The following NRXN3 variants were observed in gnomAD, a reference collection of about 807,000 sequenced individuals.
NRXN3 encodes the protein neurexin III.
NRXN3 carries 32 observed loss-of-function variants against 137.6 expected under a neutral mutation model. That is an observed-to-expected ratio of 0.23 (90% CI 0.18 to 0.31). The LOEUF (loss-of-function observed/expected upper bound fraction) is 0.31, where lower values mean the gene tolerates loss of function less well. Among genes scored for constraint, NRXN3 ranks in the 10% least tolerant of loss-of-function variants. The probability of loss-of-function intolerance (pLI) is 1.00; values close to 1 mark genes in which losing one functional copy is unlikely to be tolerated. For missense variants in NRXN3, 1,574 were observed against 2,062.5 expected (o/e 0.76, Z 4.59); for synonymous variants, 798 against 784.5 (o/e 1.02, Z -0.29).
At position 79,710,386 on chromosome 14, in the gene NRXN3, T is replaced by C. The variant is rs924134481; in HGVS notation, c.4014+12449T>C. ...AATAAAAATCTATTTATGTGTTGTA[T>C]AAACCACAGTGTCTGATTCTCTCCT... On this transcript the variant is annotated intron_variant, in intron 19 of 20. Coordinates refer to ENST00000335750, the MANE Select transcript of NRXN3 (RefSeq NM_001330195.2). Among the ~76,000 whole-genome samples the C allele has an allele frequency of 2.6e-5, 4 of 152,344 alleles. No homozygotes were observed. In the East Asian group the frequency reaches 7.7e-4, roughly 29 times the overall value.
chr14:78,291,743 A>G (rs1040738728), intron 3 of NRXN3, among the ~76,000 whole-genome samples: 3 of 152,218 alleles, frequency 2.0e-5, no homozygotes, highest in South Asian at 4.1e-4. Context: ...ATAAGAATTC[A>G]TCGTTGGCAC....
At chr14:79,745,619 A>AT (rs2098977391) in intron 19 of NRXN3, among the ~76,000 whole-genome samples, 1 of 152,086 alleles carries the variant, frequency 6.6e-6, no homozygotes. Flanking sequence ...GTTACAAGAA[A>AT]TTTTTGGCTT....
chr14:78,297,909 C>G, intron 4 of NRXN3, 49 bp downstream of exon 4: 1 of 1,535,148 alleles, frequency 6.5e-7, no homozygotes, highest in Non-Finnish European at 8.7e-7. Flanking sequence ...CTGCTTGCCT[C>G]CGTGCCTCTG....
intron 15 of NRXN3, among the ~76,000 whole-genome samples, chr14:79,265,817 C>A (rs1197849195): frequency 1.3e-5 from 2 of 152,148 alleles, no homozygotes; most frequent in African/African-American, 4.8e-5. Flanking sequence ...AAGATATATG[C>A]CTGCTGAGGG....
At chr14:78,771,512 A>C (rs773885174) in intron 8 of NRXN3, among the ~76,000 whole-genome samples, 7 of 152,238 alleles carry the variant, frequency 4.6e-5, no homozygotes, top group Admixed American at 2.0e-4. Context: ...CAGAGAAAGA[A>C]GATCTCCTCC....
At chr14:78,600,091 G>A (rs950140208) in intron 4 of NRXN3, among the ~76,000 whole-genome samples, 2 of 152,166 alleles carry the variant, frequency 1.3e-5, no homozygotes, top group African/African-American at 2.4e-5. Context: ...ACAGGTGACC[G>A]AGGGGGGCAG....
At chr14:79,108,938 A>G (rs1596040220) in intron 15 of NRXN3, among the ~76,000 whole-genome samples, 1 of 152,160 alleles carries the variant, frequency 6.6e-6, no homozygotes, top group South Asian at 2.1e-4. Context: ...CTAAATCTCT[A>G]AATGGTTGAG....
chr14:79,101,177 C>T (rs978314083), intron 15 of NRXN3, among the ~76,000 whole-genome samples: 2 of 152,092 alleles, frequency 1.3e-5, no homozygotes, highest in Admixed American at 6.6e-5. Context: ...GGAGCCATGT[C>T]GAAAAGGAGG....
chr14:78,224,530 G>T (rs1209450408), intron 1 of NRXN3, among the ~76,000 whole-genome samples: 1 of 151,876 alleles, frequency 6.6e-6, no homozygotes, highest in Non-Finnish European at 1.5e-5. Flanking sequence ...GAGGTGTTTG[G>T]TTTTTTGTCC....
chr14:78,333,147 C>G (rs953991344), intron 4 of NRXN3, among the ~76,000 whole-genome samples: 2 of 152,178 alleles, frequency 1.3e-5, no homozygotes, highest in Non-Finnish European at 2.9e-5. Context: ...AGGCAGAACT[C>G]TTGCTCCTTG....
chr14:78,865,986 G>A (rs1431269197), intron 10 of NRXN3, among the ~76,000 whole-genome samples: 1 of 152,068 alleles, frequency 6.6e-6, no homozygotes, highest in African/African-American at 2.4e-5. Context: ...CAGAATCAGG[G>A]AAGAAAAAAG....
chr14:78,508,482 G>GT (rs2153786651), intron 4 of NRXN3, among the ~76,000 whole-genome samples: 1 of 152,204 alleles, frequency 6.6e-6, no homozygotes, highest in South Asian at 2.1e-4. Flanking sequence ...TTTTTGAAGT[G>GT]TTTTTAAGCT....
At chr14:79,828,098 C>T (rs1316176306) in intron 20 of NRXN3, among the ~76,000 whole-genome samples, 1 of 152,150 alleles carries the variant, frequency 6.6e-6, no homozygotes, top group Admixed American at 6.5e-5. Flanking sequence ...GGCCCCACCT[C>T]CAGCTTTGGG....
chr14:78,614,107 T>C (rs1358600450), intron 4 of NRXN3, among the ~76,000 whole-genome samples: 2 of 152,222 alleles, frequency 1.3e-5, no homozygotes, highest in African/African-American at 4.8e-5. Flanking sequence ...TCCATAAGGA[T>C]ATAAATATGG....
chr14:78,727,870 G>A (rs140405984), intron 8 of NRXN3, among the ~76,000 whole-genome samples: 1 of 152,136 alleles, frequency 6.6e-6, no homozygotes, highest in Non-Finnish European at 1.5e-5. Context: ...TTGACCATAG[G>A]AACATCTTAG....
intron 10 of NRXN3, among the ~76,000 whole-genome samples, chr14:78,821,876 C>G (rs1202332260): frequency 6.6e-6 from 1 of 152,124 alleles, no homozygotes; most frequent in East Asian, 1.9e-4. Flanking sequence ...CTCCCTTTTA[C>G]TAATAGAACC....
chr14:78,237,108 G>A (rs955301397), intron 1 of NRXN3, among the ~76,000 whole-genome samples: 3 of 152,222 alleles, frequency 2.0e-5, no homozygotes, highest in African/African-American at 7.2e-5. Flanking sequence ...CTTTGTTCAA[G>A]TGCATGGGCA....
At chr14:79,585,610 G>A (rs1188206363) in intron 16 of NRXN3, among the ~76,000 whole-genome samples, 4 of 150,754 alleles carry the variant, frequency 2.7e-5, no homozygotes, top group African/African-American at 4.9e-5. Context: ...GCCTGAACCC[G>A]GGAGGCGGAG....
chr14:79,425,296 C>T (rs1239539040), intron 15 of NRXN3, among the ~76,000 whole-genome samples: 1 of 152,136 alleles, frequency 6.6e-6, no homozygotes, highest in Admixed American at 6.5e-5. Flanking sequence ...CGATCACTGG[C>T]ATGGGATAAA....
Sources: allele counts gnomAD v4.1 joint callset (sites outside exome capture counted in the v4.1 genomes callset), GRCh38; gene constraint gnomAD v4.1.1; transcripts MANE v1.5; gene names NCBI Gene and HGNC (gene_info 2026-07-23, HGNC 2026-07-21).